SYT1: variants seen among roughly 807,000 people sequenced by gnomAD.
SYT1 encodes synaptotagmin 1, also known as synaptotagmin-1.
A neutral mutation model predicts 44.8 loss-of-function variants in SYT1; 8 were observed. The observed-to-expected ratio is 0.18, with a 90% CI of 0.10 to 0.32. The LOEUF (loss-of-function observed/expected upper bound fraction) is 0.32, where lower values mean the gene tolerates loss of function less well. SYT1 is among the 10% of genes least tolerant of loss of function. The pLI is 1.00. For synonymous variants in SYT1, 154 were observed against 188.8 expected, an observed-to-expected ratio of 0.82 and a Z score of 1.51; for missense variants, 286 against 509.3, an observed-to-expected ratio of 0.56 and a Z score of 4.22.
At chr12:79,082,574 G>A (rs141427342) in intron 3 of SYT1, among the ~76,000 whole-genome samples, 21 of 152,182 alleles carry the variant, frequency 1.4e-4, no homozygotes, top group Non-Finnish European at 2.1e-4. Context: ...TATGTGTTAC[G>A]AAGAAAATAA....
intron 4 of SYT1, among the ~76,000 whole-genome samples, chr12:79,262,677 G>A (rs12827411): frequency 0.024 from 3,644 of 152,278 alleles, 65 homozygotes; most frequent in Non-Finnish European, 0.038. Context: ...TCTGAGTACT[G>A]TTGAAGCTGA....
At chr12:79,015,957 G>T (rs1326696794) in intron 2 of SYT1, among the ~76,000 whole-genome samples, 1 of 152,128 alleles carries the variant, frequency 6.6e-6, no homozygotes, top group Non-Finnish European at 1.5e-5. Context: ...TGAAAACAAA[G>T]TGTAATGAGC....
intron 8 of SYT1, among the ~76,000 whole-genome samples, chr12:79,307,181 C>T (rs556804997): frequency 1.3e-5 from 2 of 152,188 alleles, no homozygotes; most frequent in Non-Finnish European, 2.9e-5. Context: ...GATGAAATGT[C>T]AGTGATTGAC....
At chr12:79,339,617 G>A (rs1882266103) in intron 8 of SYT1, among the ~76,000 whole-genome samples, 1 of 152,164 alleles carries the variant, frequency 6.6e-6, no homozygotes, top group Non-Finnish European at 1.5e-5. Flanking sequence ...CATTCTGAAG[G>A]TTACCTGTTC....
chr12:79,299,830 C>G (rs987004166), intron 8 of SYT1, among the ~76,000 whole-genome samples: 1 of 152,130 alleles, frequency 6.6e-6, no homozygotes, highest in Non-Finnish European at 1.5e-5. Flanking sequence ...TTTCTAAAAG[C>G]TTACAAAAGG....
chr12:78,954,433 C>G (rs957207455), intron 1 of SYT1, among the ~76,000 whole-genome samples: 3 of 151,580 alleles, frequency 2.0e-5, no homozygotes, highest in Admixed American at 6.6e-5. Flanking sequence ...TTTTAAATTA[C>G]CAAAATGATA....
At chr12:79,179,439 C>G (rs71437066) in intron 3 of SYT1, among the ~76,000 whole-genome samples, 3 of 59,170 alleles carry the variant, frequency 5.1e-5, no homozygotes, top group African/African-American at 3.4e-4. Flanking sequence ...TAGATATATC[C>G]ATATAGATAT....
intron 3 of SYT1, among the ~76,000 whole-genome samples, chr12:79,151,986 C>A (rs956433358): frequency 2.0e-5 from 3 of 151,948 alleles, no homozygotes; most frequent in Non-Finnish European, 4.4e-5. Context: ...TGTGTGTATT[C>A]AGGAAGTTTC....
intron 4 of SYT1, among the ~76,000 whole-genome samples, chr12:79,255,081 TG>T (rs1428961440): frequency 3.3e-5 from 5 of 152,244 alleles, no homozygotes; most frequent in African/African-American, 1.2e-4. Context: ...AAAAGAAGTT[TG>T]GCTGTGGGTA....
chr12:79,189,585 T>C (rs1480544556), intron 3 of SYT1, among the ~76,000 whole-genome samples: 1 of 152,122 alleles, frequency 6.6e-6, no homozygotes, highest in East Asian at 1.9e-4. Context: ...ATAGAAGATA[T>C]AATTATCCCT....
At chr12:79,419,358 C>T (rs1868959402) in intron 9 of SYT1, 1 of 470,818 alleles carries the variant, frequency 2.1e-6, no homozygotes, top group South Asian at 1.5e-5. Flanking sequence ...CTTCTCCTTC[C>T]ACTGCACCCT....
chr12:79,057,199 A>G (rs1247175391), intron 3 of SYT1, among the ~76,000 whole-genome samples: 1 of 152,040 alleles, frequency 6.6e-6, no homozygotes, highest in Admixed American at 6.6e-5. Context: ...CTGGTTCAGC[A>G]TATGCTCCAT....
At chr12:79,179,900 C>CA (rs1318922569) in intron 3 of SYT1, among the ~76,000 whole-genome samples, 1 of 151,986 alleles carries the variant, frequency 6.6e-6, no homozygotes, top group African/African-American at 2.4e-5. Flanking sequence ...TATAGAGATA[C>CA]ACTTTATTCT....
chr12:79,372,672 G>A (rs771653757), intron 9 of SYT1, among the ~76,000 whole-genome samples: 35 of 152,172 alleles, frequency 2.3e-4, no homozygotes, highest in Admixed American at 4.6e-4. Flanking sequence ...AACTGAAGCT[G>A]TTGATTATAC....
At chr12:79,239,033 T>C (rs1299805170) in intron 4 of SYT1, among the ~76,000 whole-genome samples, 1 of 152,268 alleles carries the variant, frequency 6.6e-6, no homozygotes, top group African/African-American at 2.4e-5. Flanking sequence ...AATTATCCTA[T>C]ATTCTGTGGT....
chr12:79,108,816 G>A (rs984136316), intron 3 of SYT1, among the ~76,000 whole-genome samples: 2 of 152,088 alleles, frequency 1.3e-5, no homozygotes, highest in African/African-American at 4.8e-5. Flanking sequence ...CATGGTTATG[G>A]TCTCAATTTC....
At chr12:79,064,964 GA>G (rs1353232223) in intron 3 of SYT1, among the ~76,000 whole-genome samples, 17 of 150,238 alleles carry the variant, frequency 1.1e-4, no homozygotes, top group African/African-American at 3.9e-4. Flanking sequence ...AAGAAAGAAA[GA>G]AAGAAAGAAA....
Position 79,270,826 on chromosome 12 carries a change from T to C in SYT1, c.167-14961T>C, listed in dbSNP as rs1306838542. Among the ~76,000 whole-genome samples, 4 of 152,320 alleles carry C rather than the reference T, an allele frequency of 2.6e-5. No homozygotes were observed. The East Asian group carries it at 7.7e-4, about 29-fold the overall frequency. On this transcript the variant is annotated intron_variant, in intron 4 of 10. Coordinates refer to ENST00000261205, the MANE Select transcript of SYT1 (RefSeq NM_005639.3). ...CAAAGACTGTCCGCTCTACTTCTAC[T>C]TGAGCTTAAGAACATGGCTATGTGG...
At chr12:79,064,996 G>GAAA (rs1190339025) in intron 3 of SYT1, among the ~76,000 whole-genome samples, 3 of 140,744 alleles carry the variant, frequency 2.1e-5, no homozygotes, top group Admixed American at 7.1e-5. Flanking sequence ...AAGAAAGAAA[G>GAAA]AAAAGGAAAC....
Sources: gnomAD v4.1 joint callset for allele counts (sites outside exome capture counted in the v4.1 genomes callset) on GRCh38, gnomAD v4.1.1 for gene constraint, MANE v1.5 for transcripts, NCBI Gene and HGNC (gene_info 2026-07-23, HGNC 2026-07-21) for gene names.